Variants in GRM8 observed in about 807,000 individuals in gnomAD.
GRM8 encodes glutamate metabotropic receptor 8.
In GRM8, 47 loss-of-function variants were observed where a neutral mutation model predicts 87.2. That is an observed-to-expected ratio of 0.54 (90% CI 0.43 to 0.69). GRM8 has a LOEUF of 0.69. GRM8 is among the 30% of genes least tolerant of loss of function. GRM8 has a pLI of 0.00. For synonymous variants in GRM8, 396 were observed against 404.5 expected (o/e 0.98, Z 0.25); for missense variants, 1,019 against 1,139.2 (o/e 0.89, Z 1.52).
chr7:126,878,966 C>T (rs1799782082), intron 6 of GRM8, among the ~76,000 whole-genome samples: 1 of 151,798 alleles, frequency 6.6e-6, no homozygotes, highest in Non-Finnish European at 1.5e-5. Flanking sequence ...AGTTCGAGAC[C>T]AGCCTGCCCA....
chr7:127,043,346 C>A (rs1818612362), intron 3 of GRM8, among the ~76,000 whole-genome samples: 1 of 152,182 alleles, frequency 6.6e-6, no homozygotes, highest in African/African-American at 2.4e-5. Flanking sequence ...TTCACAATAG[C>A]AAAGACTTGG....
chr7:126,521,462 A>G lies in GRM8; in HGVS notation c.2430+11490T>C, dbSNP rs76629745. On this transcript the variant is annotated intron_variant, in intron 9 of 10. Transcript: ENST00000339582. ...CTACAATTAGTGTGGATGCTATTTG[A>G]TTGGTTGAAAACTAGTCCCTGTTAA... Among the ~76,000 whole-genome samples, 1,128 of 152,116 alleles carry G rather than the reference A, an allele frequency of 7.4e-3. 15 individuals carry two copies. Among genetic ancestry groups the G allele is most frequent in the African/African-American group, 0.026 (1,084 of 41,510 alleles).
At chr7:126,512,878 A>G (rs1428592552) in intron 9 of GRM8, 4 of 152,124 alleles carry the variant, frequency 2.6e-5, no homozygotes, top group Non-Finnish European at 5.9e-5. Flanking sequence ...GCCATCTCTT[A>G]GGCAGGAAAA....
At chr7:127,102,859 C>A (rs1440111261) in intron 3 of GRM8, among the ~76,000 whole-genome samples, 1 of 152,158 alleles carries the variant, frequency 6.6e-6, no homozygotes, top group East Asian at 1.9e-4. Flanking sequence ...AAAGAGGCCA[C>A]CATCCTCCAG....
chr7:127,159,337 C>T (rs1443613090), intron 2 of GRM8, among the ~76,000 whole-genome samples: 1 of 152,118 alleles, frequency 6.6e-6, no homozygotes, highest in African/African-American at 2.4e-5. Context: ...AAACACTGAG[C>T]GTATGTTGAG....
intron 3 of GRM8, among the ~76,000 whole-genome samples, chr7:127,070,112 T>C (rs1419896740): frequency 6.6e-6 from 1 of 151,960 alleles, no homozygotes; most frequent in Non-Finnish European, 1.5e-5. Context: ...GCTTTCAACA[T>C]CTAACTTGTC....
intron 9 of GRM8, among the ~76,000 whole-genome samples, chr7:126,451,507 C>G (rs1205328062): frequency 6.6e-6 from 1 of 151,614 alleles, no homozygotes; most frequent in Non-Finnish European, 1.5e-5. Context: ...GCTGCCCTTG[C>G]TCTCTTCTGT....
intron 7 of GRM8, among the ~76,000 whole-genome samples, chr7:126,617,406 C>G (rs1294884216): frequency 6.6e-6 from 1 of 151,996 alleles, no homozygotes; most frequent in East Asian, 1.9e-4. Flanking sequence ...TATGACAAAC[C>G]CACAGCCAAT....
intron 2 of GRM8, among the ~76,000 whole-genome samples, chr7:127,124,683 T>G (rs1019692655): frequency 1.3e-5 from 2 of 152,136 alleles, no homozygotes; most frequent in Non-Finnish European, 2.9e-5. Flanking sequence ...GAACCTCCAT[T>G]TAGAAATTTT....
At chr7:127,110,866 T>C (rs966564577) in intron 2 of GRM8, among the ~76,000 whole-genome samples, 1 of 152,290 alleles carries the variant, frequency 6.6e-6, no homozygotes, top group African/African-American at 2.4e-5. Context: ...CAAAAGGGGA[T>C]AGCAGGCTCT....
intron 3 of GRM8, among the ~76,000 whole-genome samples, chr7:126,967,436 GA>G (rs1809988410): frequency 6.6e-6 from 1 of 151,768 alleles, no homozygotes; most frequent in South Asian, 2.1e-4. Flanking sequence ...TTTTCAAAGG[GA>G]AAATAACCCA....
intron 2 of GRM8, among the ~76,000 whole-genome samples, chr7:127,215,488 C>T (rs1399805618): frequency 6.6e-6 from 1 of 152,010 alleles, no homozygotes; most frequent in African/African-American, 2.4e-5. Flanking sequence ...TTCCACAATG[C>T]ACCCCTCCCT....
chr7:126,799,334 T>C (rs1467805417), intron 6 of GRM8, among the ~76,000 whole-genome samples: 1 of 152,110 alleles, frequency 6.6e-6, no homozygotes, highest in East Asian at 1.9e-4. Context: ...ATCTCCATTT[T>C]CAACAAACAT....
intron 2 of GRM8, among the ~76,000 whole-genome samples, chr7:127,214,663 A>T (rs748357386): frequency 2.0e-5 from 3 of 151,936 alleles, no homozygotes; most frequent in Non-Finnish European, 2.9e-5. Flanking sequence ...ATCTCATGAG[A>T]TCTCACTATC....
intron 6 of GRM8, among the ~76,000 whole-genome samples, chr7:126,828,303 G>A (rs1563226026): frequency 6.6e-6 from 1 of 152,096 alleles, no homozygotes; most frequent in Non-Finnish European, 1.5e-5. Flanking sequence ...GTTCCTCCTT[G>A]TACCTCTGGT....
At chr7:126,941,619 C>CAAA (rs548231122) in intron 3 of GRM8, among the ~76,000 whole-genome samples, 1 of 108,032 alleles carries the variant, frequency 9.3e-6, no homozygotes, top group Non-Finnish European at 2.0e-5. Flanking sequence ...GACTCTGTCT[C>CAAA]AAAAAAAAAA....
At chr7:126,678,145 A>T (rs1238890405) in intron 7 of GRM8, among the ~76,000 whole-genome samples, 1 of 152,224 alleles carries the variant, frequency 6.6e-6, no homozygotes, top group Non-Finnish European at 1.5e-5. Context: ...ACTCAAAAAA[A>T]TAAGATTTTA....
intron 7 of GRM8, among the ~76,000 whole-genome samples, chr7:126,737,964 ACCT>A (rs1814432264): frequency 6.6e-6 from 1 of 152,108 alleles, no homozygotes; most frequent in East Asian, 1.9e-4. Context: ...GTGACTTTTG[ACCT>A]CAGTTTTGAA....
At chr7:126,905,088 C>T (rs1217496135) in intron 3 of GRM8, among the ~76,000 whole-genome samples, 2 of 152,082 alleles carry the variant, frequency 1.3e-5, no homozygotes, top group Non-Finnish European at 2.9e-5. Flanking sequence ...TAGCAAAGTC[C>T]TTTTGTTACT....
Sources: allele counts gnomAD v4.1 joint callset (sites outside exome capture counted in the v4.1 genomes callset), GRCh38; gene constraint gnomAD v4.1.1; transcripts MANE v1.5; gene names NCBI Gene and HGNC (gene_info 2026-07-23, HGNC 2026-07-21).